The following GUCY1A2 variants were observed in gnomAD, a reference collection of about 807,000 sequenced individuals.
GUCY1A2 encodes guanylate cyclase soluble subunit alpha-2.
A neutral mutation model predicts 63.5 loss-of-function variants in GUCY1A2; 27 were observed. The ratio of observed to expected loss-of-function variants is 0.43; its 90% confidence interval spans 0.31 to 0.59. The LOEUF is 0.59. Ranked by LOEUF, GUCY1A2 falls within the 20% of genes least tolerant of loss-of-function variation. The pLI, the probability that GUCY1A2 is intolerant of heterozygous loss-of-function variation, is 0.11. For missense variants in GUCY1A2, 768 were observed against 913.3 expected (o/e 0.84, Z 2.05); for synonymous variants, 364 against 343.5 (o/e 1.06, Z -0.66).
intron 5 of GUCY1A2, among the ~76,000 whole-genome samples, chr11:106,801,843 T>TC (rs1189637744): frequency 6.6e-6 from 1 of 152,076 alleles, no homozygotes. Flanking sequence ...AAATACATAC[T>TC]CCTACTATGT....
chr11:106,731,719 A>G (rs1863509428), intron 6 of GUCY1A2, among the ~76,000 whole-genome samples: 2 of 152,154 alleles, frequency 1.3e-5, no homozygotes. Flanking sequence ...TTTAAAAATC[A>G]ATAGTATTCC....
Position 106,776,600 on chromosome 11 carries a change from A to G in GUCY1A2, c.1693-18T>C. The stretch of plus-strand genomic sequence containing the variant: ...GTTTCCACCTGCAGCAATCAGACAA[A>G]TCAAATGCAAACGTATGATAATGAG... On this transcript the variant is annotated intron_variant, in intron 5 of 7. Transcript: ENST00000526355. The G allele has an allele frequency of 6.2e-7, 1 of 1,609,582 alleles. No individual in the cohort carries two copies. Among genetic ancestry groups the G allele is most frequent in the South Asian group, 1.1e-5 (1 of 90,758 alleles).
At chr11:106,805,336 C>T (rs945718298) in intron 5 of GUCY1A2, among the ~76,000 whole-genome samples, 8 of 151,858 alleles carry the variant, frequency 5.3e-5, no homozygotes, top group African/African-American at 1.9e-4. Flanking sequence ...ACCTCTACCA[C>T]CTGGGTTCAA....
intron 6 of GUCY1A2, among the ~76,000 whole-genome samples, chr11:106,735,486 G>A (rs1368878163): frequency 1.3e-5 from 2 of 152,120 alleles, no homozygotes; most frequent in South Asian, 2.1e-4. Context: ...TCATTCTCAT[G>A]GCTGAATAGT....
At chr11:106,818,374 T>C (rs7950351) in intron 4 of GUCY1A2, among the ~76,000 whole-genome samples, 26,339 of 152,138 alleles carry the variant, frequency 0.17, 2,413 homozygotes, top group Non-Finnish European at 0.22. Flanking sequence ...TTGATGTTAC[T>C]ATGGTAATTG....
intron 6 of GUCY1A2, among the ~76,000 whole-genome samples, chr11:106,758,850 G>T (rs1864017722): frequency 6.6e-6 from 1 of 152,260 alleles, no homozygotes; most frequent in South Asian, 2.1e-4. Context: ...AGGAGGTTTT[G>T]TTGACACACT....
chr11:107,002,341 C>T (rs576652861), intron 1 of GUCY1A2, among the ~76,000 whole-genome samples: 16 of 151,890 alleles, frequency 1.1e-4, no homozygotes, highest in African/African-American at 3.9e-4. Flanking sequence ...TCAAAAAGAG[C>T]TCTAACACTG....
At chr11:106,813,821 C>A (rs1012986042) in intron 4 of GUCY1A2, among the ~76,000 whole-genome samples, 1 of 152,076 alleles carries the variant, frequency 6.6e-6, no homozygotes, top group East Asian at 1.9e-4. Flanking sequence ...TAACTCAACA[C>A]ATCTGTGAGT....
intron 6 of GUCY1A2, among the ~76,000 whole-genome samples, chr11:106,750,734 G>A (rs1863867853): frequency 7.2e-6 from 1 of 139,320 alleles, no homozygotes; most frequent in South Asian, 2.2e-4. Flanking sequence ...CATAGTGGAT[G>A]TAAAAAAAAA....
chr11:106,766,401 C>T (rs1317369935), intron 6 of GUCY1A2, among the ~76,000 whole-genome samples: 1 of 151,994 alleles, frequency 6.6e-6, no homozygotes, highest in East Asian at 1.9e-4. Context: ...CTTTTTAAGT[C>T]CATACCTTCT....
At chr11:106,861,424 G>C (rs1944194) in intron 4 of GUCY1A2, among the ~76,000 whole-genome samples, 134,961 of 151,904 alleles carry the variant, frequency 0.89, 60,040 homozygotes, top group East Asian at 0.99. Context: ...GTGGATAGGT[G>C]TCTCTTTGTT....
rs1453663643 is a variant in GUCY1A2, at chr11:106,916,584, T to A, written c.1206+22876A>T. 2.1e-5 allele frequency among the ~76,000 whole-genome samples: 3 copies of A among 145,358 alleles called. 1 individual carries two copies. Among genetic ancestry groups the A allele is most frequent in the Non-Finnish European group, 4.6e-5 (3 of 64,694 alleles). On this transcript the variant is annotated intron_variant, in intron 4 of 7. Coordinates refer to ENST00000526355, the MANE Select transcript of GUCY1A2 (RefSeq NM_000855.3). The stretch of plus-strand genomic sequence containing the variant: ...CAGGTGAGCCATATTTTAACTAGAG[T>A]GAAATGCAGTTTTGAAGTACACATG...
chr11:106,904,320 G>A (rs2119838029), intron 4 of GUCY1A2, among the ~76,000 whole-genome samples: 1 of 152,092 alleles, frequency 6.6e-6, no homozygotes, highest in South Asian at 2.1e-4. Flanking sequence ...AGTTTTCACT[G>A]TTTTCCTTAC....
intron 5 of GUCY1A2, among the ~76,000 whole-genome samples, chr11:106,783,421 A>G (rs1441881825): frequency 2.0e-5 from 3 of 152,218 alleles, no homozygotes; most frequent in South Asian, 2.1e-4. Flanking sequence ...CACTGATACC[A>G]GAACAGCCTG....
chr11:106,936,710 G>T, intron 4 of GUCY1A2: 1 of 1,481,370 alleles, frequency 6.8e-7, no homozygotes, highest in Non-Finnish European at 9.0e-7. Context: ...TGACATGCTT[G>T]CTCTTGATTT....
intron 5 of GUCY1A2, among the ~76,000 whole-genome samples, chr11:106,808,486 T>C (rs1349128909): frequency 6.6e-6 from 1 of 152,164 alleles, no homozygotes; most frequent in Non-Finnish European, 1.5e-5. Flanking sequence ...TGAACCTGTT[T>C]TGGCATACTC....
intron 5 of GUCY1A2, among the ~76,000 whole-genome samples, chr11:106,782,619 G>A (rs1864484552): frequency 6.6e-6 from 1 of 152,196 alleles, no homozygotes; most frequent in Admixed American, 6.5e-5. Flanking sequence ...CAGGGAGGAT[G>A]GGGCATAGTA....
At chr11:106,925,302 A>G (rs1860507233) in intron 4 of GUCY1A2, among the ~76,000 whole-genome samples, 1 of 152,198 alleles carries the variant, frequency 6.6e-6, no homozygotes, top group South Asian at 2.1e-4. Context: ...ATTATTCAGA[A>G]TAACTGCTGT....
rs546636547 is a variant in GUCY1A2 at position 106,769,008 on chromosome 11, A to G, written c.1836+7431T>C. On this transcript the variant is annotated intron_variant, in intron 6 of 7. Transcript: ENST00000526355. ...CTCACAGAGACCAAAACCCAGCTTT[A>G]AATCCCCTGATCGCTAACTGCTAGA... 1.2e-4 allele frequency among the ~76,000 whole-genome samples: 19 copies of G among 152,272 alleles called. 1 individual carries two copies. In the South Asian group the frequency reaches 3.9e-3, roughly 32 times the overall value.
Sources: allele counts gnomAD v4.1 joint callset (sites outside exome capture counted in the v4.1 genomes callset), GRCh38; gene constraint gnomAD v4.1.1; transcripts MANE v1.5; gene names NCBI Gene and HGNC (gene_info 2026-07-23, HGNC 2026-07-21).